The following DOT1L variants were observed in gnomAD, a reference collection of about 807,000 sequenced individuals.
DOT1L encodes DOT1 like histone lysine methyltransferase.
Under a neutral mutation model 153.3 loss-of-function variants are expected in DOT1L, and 33 were observed. The observed-to-expected ratio is 0.22, with a 90% CI of 0.16 to 0.29. The LOEUF (loss-of-function observed/expected upper bound fraction) is 0.29. Ranked by LOEUF, DOT1L falls within the 10% of genes least tolerant of loss-of-function variation. The probability of loss-of-function intolerance (pLI) is 1.00; values close to 1 mark genes in which losing one functional copy is unlikely to be tolerated. For synonymous variants in DOT1L, 1,135 were observed against 965.1 expected, an observed-to-expected ratio of 1.18 and a Z score of -3.26; for missense variants, 1,847 against 2,119.9, an observed-to-expected ratio of 0.87 and a Z score of 2.53.
chr19:2,208,456 G>A lies in DOT1L; in HGVS notation c.964-479G>A, dbSNP rs934589290. On this transcript the variant is annotated intron_variant, in intron 11 of 27. Transcript: ENST00000398665. The surrounding 1 kb of genome is among the most constrained non-coding windows in gnomAD (Gnocchi z 4.4). ...GGCAGATGCACCCCGCCCTCCCACT[G>A]CTCCCCCGAGGGCCCTGGGACGAGA... Among the ~76,000 whole-genome samples the A allele has an allele frequency of 1.3e-5, 2 of 152,132 alleles. No homozygotes were observed. The highest frequency in any genetic ancestry group is 4.8e-5 in the African/African-American group (2 of 41,432).
rs554389280 is a variant in DOT1L, at chr19:2,181,016, CT to C, written c.125+262del. Among the ~76,000 whole-genome samples the C allele has an allele frequency of 2.6e-5, 4 of 152,330 alleles. 1 individual carries two copies. In the South Asian group the frequency reaches 8.3e-4, roughly 32 times the overall value. ...GCGTTGCCCTGCCTTCCTCTGTCTC[CT>C]TGTCAGTCTCCCTGCTGTGGGTTTT... is the stretch of plus-strand genomic sequence containing the variant. On this transcript the variant is annotated intron_variant, in intron 2 of 27. Transcript: ENST00000398665.
chr19:2,210,863 G>T lies in DOT1L; in HGVS notation c.1351+8G>T. 6.2e-7 allele frequency: 1 copy of T among 1,610,758 alleles called. No individual in the cohort carries two copies. The highest frequency in any genetic ancestry group is 1.1e-5 in the South Asian group (1 of 90,950). Reference sequence around the variant, plus strand: ...CGGCCTCCTCACCCCAGGGTGAGCCGCCCCCACGCCACGGCCCCCGCTCTC... The same window carrying T: ...CGGCCTCCTCACCCCAGGGTGAGCCTCCCCCACGCCACGGCCCCCGCTCTC... On this transcript the variant is annotated splice_region_variant and intron_variant, in intron 14 of 27. Coordinates refer to ENST00000398665, the MANE Select transcript of DOT1L (RefSeq NM_032482.3).
chr19:2,193,741 C>T lies in DOT1L; in HGVS notation c.546C>T (p.His182=). 1.2e-6 allele frequency: 2 copies of T among 1,614,174 alleles called. No homozygotes were observed. The highest frequency in any genetic ancestry group is 1.7e-6 in the Non-Finnish European group (2 of 1,179,998). ...QVAAATNCKH[H]YGVEKADIPA... Reference sequence around the variant, plus strand: ...CTGCTGCCACCAACTGCAAACATCACTATGGCGTCGAGAAAGCAGACATCC... The same window carrying T: ...CTGCTGCCACCAACTGCAAACATCATTATGGCGTCGAGAAAGCAGACATCC... Residue 182 remains histidine, a synonymous_variant, in exon 6 of 28, where the codon CAC becomes CAT. Coordinates refer to ENST00000398665, the MANE Select transcript of DOT1L (RefSeq NM_032482.3). The surrounding 1 kb of genome is among the most constrained non-coding windows in gnomAD (Gnocchi z 5.9).
chr19:2,191,361 T>C lies in DOT1L; in HGVS notation c.493+121T>C. 2.9e-6 allele frequency: 3 copies of C among 1,024,962 alleles called. No individual in the cohort carries two copies. In the South Asian group the frequency reaches 4.3e-5, roughly 15 times the overall value. The allele number at this position is 1,024,962 out of a possible 1,614,324, so 63.5% of individuals were successfully genotyped here. A position where few individuals can be genotyped will look rare whatever the true frequency, so the allele number is the denominator to read the frequency against. On this transcript the variant is annotated intron_variant, in intron 5 of 27. Coordinates refer to ENST00000398665, the MANE Select transcript of DOT1L (RefSeq NM_032482.3). This position sits in a 1 kb window ranked among gnomAD's most constrained non-coding sequence, Gnocchi z 6.8. ...TTGCGACGTTGGCGTGGACAGTGCTTCCTTCTCCCAGCGCCTCTGTCCCGC... is the reference window on the plus strand; with the variant it reads ...TTGCGACGTTGGCGTGGACAGTGCTCCCTTCTCCCAGCGCCTCTGTCCCGC...
chr19:2,171,475 T>C (rs964437666), intron 1 of DOT1L, among the ~76,000 whole-genome samples: 1 of 152,128 alleles, frequency 6.6e-6, no homozygotes, highest in Admixed American at 6.5e-5. Flanking sequence ...TAGAGACCTT[T>C]GCGGTTGTCA....
intron 1 of DOT1L, 103 bp from the exon 2 acceptor site, chr19:2,180,610 A>T: frequency 5.7e-6 from 8 of 1,412,130 alleles, no homozygotes; most frequent in Non-Finnish European, 7.8e-6. Flanking sequence ...CAGTTGGGAA[A>T]TGAAGAGATG....
In DOT1L at chr19:2,180,745, C is replaced by T. The variant is rs758217681; in HGVS notation, c.114C>T (p.Ile38=). 8.1e-6 allele frequency: 13 copies of T among 1,613,910 alleles called. 1 individual carries two copies. The highest frequency in any genetic ancestry group is 2.2e-5 in the East Asian group (1 of 44,898). The part of the protein sequence containing the change: ...DKHHDAAHEI[I]ETIRWVCEEI... The stretch of plus-strand genomic sequence containing the variant: ...ATCACGATGCTGCTCATGAAATCAT[C>T]GAGACCATCCGGTGAGTGCACGGCC... Residue 38 remains isoleucine (I), a synonymous_variant, in exon 2 of 28, where the codon ATC becomes ATT. Coordinates refer to ENST00000398665, the MANE Select transcript of DOT1L (RefSeq NM_032482.3).
At position 2,204,083 on chromosome 19, in the gene DOT1L, G is replaced by C. The variant is rs2023397807; in HGVS notation, c.787+1304G>C. On this transcript the variant is annotated intron_variant, in intron 9 of 27. Coordinates refer to ENST00000398665, the MANE Select transcript of DOT1L (RefSeq NM_032482.3). This position sits in a 1 kb window ranked among gnomAD's most constrained non-coding sequence, Gnocchi z 5.7. ...GCCCCACAACCTGGGGGTTTGGAGG[G>C]TGCTTGTGTGCCTGTGTCTGTGTGT... Among the ~76,000 whole-genome samples, 1 of 152,178 alleles carries C rather than the reference G, an allele frequency of 6.6e-6. No homozygotes were observed. The highest frequency in any genetic ancestry group is 1.5e-5 in the Non-Finnish European group (1 of 68,036).
Position 2,227,156 on chromosome 19 carries a change from C to G in DOT1L, c.4606+29C>G, listed in dbSNP as rs751152681. The G allele has an allele frequency of 3.2e-6, 5 of 1,565,260 alleles. No homozygotes were observed. The Admixed American group carries it at 7.3e-5, about 23-fold the overall frequency. ...GGCAGGGCGGCCGTCCGTCCGCCCC[C>G]CGCCCCGGCCCCCGCCGGAGGCCCC... is the stretch of plus-strand genomic sequence containing the variant. On this transcript the variant is annotated intron_variant, in intron 27 of 27. Coordinates refer to ENST00000398665, the MANE Select transcript of DOT1L (RefSeq NM_032482.3).
chr19:2,216,058 G>T, intron 19 of DOT1L: 1 of 538,190 alleles, frequency 1.9e-6, no homozygotes, highest in South Asian at 2.8e-5. Context: ...TTTGAAGAAG[G>T]TGCTTCCATG....
chr19:2,214,413 T>G, intron 18 of DOT1L, 58 bp from the exon 19 acceptor site: 1 of 1,592,378 alleles, frequency 6.3e-7, no homozygotes, highest in Non-Finnish European at 8.6e-7. Flanking sequence ...CCTGAGAGTG[T>G]GGGGTGTGCT....
At chr19:2,173,597 C>T (rs1282919882) in intron 1 of DOT1L, among the ~76,000 whole-genome samples, 1 of 152,200 alleles carries the variant, frequency 6.6e-6, no homozygotes, top group Non-Finnish European at 1.5e-5. Context: ...TCACTGGAGG[C>T]CAGCCGGGTG....
At chr19:2,194,787 C>T (rs746071114) in intron 7 of DOT1L, among the ~76,000 whole-genome samples, 1 of 152,202 alleles carries the variant, frequency 6.6e-6, no homozygotes, top group Non-Finnish European at 1.5e-5. Flanking sequence ...CTCTCGTCCT[C>T]TCTGACATGG....
intron 1 of DOT1L, among the ~76,000 whole-genome samples, chr19:2,173,147 G>A (rs990143140): frequency 1.1e-4 from 16 of 152,098 alleles, no homozygotes; most frequent in Non-Finnish European, 7.4e-5. Flanking sequence ...GTCCTGGAGC[G>A]TTTTTCCCTG....
chr19:2,209,835 AC>A (rs146787426), intron 12 of DOT1L, among the ~76,000 whole-genome samples: 5,338 of 152,136 alleles, frequency 0.035, 154 homozygotes, highest in East Asian at 0.13. Context: ...AGAGCCTGGT[AC>A]CCCTCGGGGG....
At chr19:2,200,849 CCT>C (rs1367266185) in intron 8 of DOT1L, among the ~76,000 whole-genome samples, 1 of 148,200 alleles carries the variant, frequency 6.7e-6, no homozygotes, top group Non-Finnish European at 1.5e-5. Context: ...CTCGTCCTCC[CCT>C]CATTCCTCAT....
intron 1 of DOT1L, among the ~76,000 whole-genome samples, chr19:2,167,313 C>T (rs1412755814): frequency 2.6e-5 from 4 of 152,214 alleles, no homozygotes; most frequent in African/African-American, 9.6e-5. Flanking sequence ...GCGTCGGGGC[C>T]TGGGGTAGTG....
chr19:2,217,024 C>T lies in DOT1L; in HGVS notation c.2478C>T (p.Ser826=), dbSNP rs141523228. 40,831 of 1,612,892 alleles carry T rather than the reference C, an allele frequency of 0.025. 624 individuals carry two copies. Among genetic ancestry groups the T allele is most frequent in the South Asian group, 0.028 (2,564 of 91,054 alleles). Reference sequence around the variant, plus strand: ...GCGTGCCTGGCAGCATGAAGCTGAGCCCTCAGGACCCGCGGCCCCTGTCCC... The same window carrying T: ...GCGTGCCTGGCAGCATGAAGCTGAGTCCTCAGGACCCGCGGCCCCTGTCCC... ...SPSVPGSMKL[S]PQDPRPLSPG... Residue 826 remains serine (S), a synonymous_variant, in exon 21 of 28, where the codon AGC becomes AGT. Coordinates refer to ENST00000398665, the MANE Select transcript of DOT1L (RefSeq NM_032482.3). The surrounding 1 kb of genome is among the most constrained non-coding windows in gnomAD (Gnocchi z 7.3).
At position 2,180,705 on chromosome 19, in the gene DOT1L, T is replaced by C. The variant is rs756653668; in HGVS notation, c.82-8T>C. ...GCTCTGCGTCTCAAACTTCTCTCTC[T>C]GTTTCAGGATAAACATCACGATGCT... is the stretch of plus-strand genomic sequence containing the variant. On this transcript the variant is annotated splice_polypyrimidine_tract_variant and splice_region_variant and intron_variant, in intron 1 of 27. Transcript: ENST00000398665. The C allele has an allele frequency of 6.2e-7, 1 of 1,614,022 alleles. No homozygotes were observed. Among genetic ancestry groups the C allele is most frequent in the South Asian group, 1.1e-5 (1 of 91,046 alleles).
Sources: gnomAD v4.1 joint callset for allele counts (sites outside exome capture counted in the v4.1 genomes callset) on GRCh38, gnomAD v4.1.1 for gene constraint, Gnocchi (gnomAD v3.1) non-coding constraint, MANE v1.5 for transcripts, NCBI Gene and HGNC (gene_info 2026-07-23, HGNC 2026-07-21) for gene names.